ARFGEF2: variants seen among roughly 807,000 people sequenced by gnomAD.
The protein encoded by ARFGEF2 is ARF guanine nucleotide exchange factor 2, also known as brefeldin A-inhibited guanine nucleotide-exchange protein 2.
A neutral mutation model predicts 219.9 loss-of-function variants in ARFGEF2; 74 were observed. The observed-to-expected ratio is 0.34, with a 90% CI of 0.28 to 0.41. The LOEUF is 0.41. ARFGEF2 is among the 10% of genes least tolerant of loss of function. The pLI is 1.00. For missense variants in ARFGEF2, 1,743 were observed against 2,218.3 expected, an observed-to-expected ratio of 0.79 and a Z score of 4.30; for synonymous variants, 733 against 799.2, an observed-to-expected ratio of 0.92 and a Z score of 1.40.
At chr20:48,997,126 A>G (rs553288828) in intron 23 of ARFGEF2, among the ~76,000 whole-genome samples, 6 of 152,042 alleles carry the variant, frequency 3.9e-5, no homozygotes, top group Non-Finnish European at 7.4e-5. Context: ...TGTTGCCTCT[A>G]TTGTTAAGTG....
chr20:48,993,708 A>C (rs556488867), intron 21 of ARFGEF2, among the ~76,000 whole-genome samples: 14 of 152,272 alleles, frequency 9.2e-5, no homozygotes, highest in African/African-American at 3.4e-4. Flanking sequence ...AGCTTCAGGT[A>C]GGAGGGCCCG....
intron 25 of ARFGEF2, among the ~76,000 whole-genome samples, chr20:49,003,332 C>T (rs555629356): frequency 6.7e-4 from 101 of 151,270 alleles, no homozygotes; most frequent in Admixed American, 1.2e-3. Context: ...TGGCCGGGCA[C>T]GGTGGCTCAT....
At chr20:49,009,439 G>C (rs1415250030) in intron 26 of ARFGEF2, among the ~76,000 whole-genome samples, 5 of 149,036 alleles carry the variant, frequency 3.4e-5, no homozygotes, top group Non-Finnish European at 7.4e-5. Context: ...AACAGAGCAA[G>C]ACCTTGTTTC....
At chr20:49,020,079 TAGAC>T in intron 34 of ARFGEF2, among the ~76,000 whole-genome samples, 1 of 152,330 alleles carries the variant, frequency 6.6e-6, no homozygotes, top group East Asian at 1.9e-4. Context: ...AACTGGGGCT[TAGAC>T]AGATCATAGA....
chr20:48,945,586 G>A (rs143988189), intron 3 of ARFGEF2, among the ~76,000 whole-genome samples: 1 of 152,310 alleles, frequency 6.6e-6, no homozygotes, highest in East Asian at 1.9e-4. Context: ...AGTTCTGGCT[G>A]GGTGCAGTGG....
chr20:49,036,382 T>TA lies in ARFGEF2; in HGVS notation c.*3189dup, dbSNP rs567252191. The TA allele has an allele frequency of 3.7e-4, 147 of 396,732 alleles. 1 individual carries two copies. The highest frequency in any genetic ancestry group is 6.1e-4 in the Non-Finnish European group (138 of 225,384). The allele number at this position is 396,732 out of a possible 1,614,324, so 24.6% of individuals were successfully genotyped here. Reference sequence around the variant, plus strand: ...GTGTTTTACTCAGTGTTCTAATTTTTAAAAAATTTTATCTGCATATTTGCA... The same window carrying TA: ...GTGTTTTACTCAGTGTTCTAATTTTTAAAAAAATTTTATCTGCATATTTGCA... On this transcript the variant is annotated 3_prime_UTR_variant, in exon 39 of 39. Coordinates refer to ENST00000371917, the MANE Select transcript of ARFGEF2 (RefSeq NM_006420.3).
chr20:48,995,285 G>A (rs2091379405), intron 22 of ARFGEF2, among the ~76,000 whole-genome samples: 1 of 152,190 alleles, frequency 6.6e-6, no homozygotes, highest in Non-Finnish European at 1.5e-5. Flanking sequence ...ACTACGGAGT[G>A]TAGGCTTCTA....
intron 1 of ARFGEF2, among the ~76,000 whole-genome samples, chr20:48,929,784 G>A (rs1268227330): frequency 2.0e-5 from 3 of 152,200 alleles, no homozygotes; most frequent in African/African-American, 7.2e-5. Flanking sequence ...AGAGGCCAGT[G>A]TGTGGTTGGA....
At chr20:48,938,908 G>A (rs113173675) in intron 1 of ARFGEF2, among the ~76,000 whole-genome samples, 2,104 of 151,426 alleles carry the variant, frequency 0.014, 60 homozygotes, top group South Asian at 0.079. Flanking sequence ...GACATTTCCC[G>A]TCTGGCCTCC....
At position 49,013,897 on chromosome 20, in the gene ARFGEF2, G is replaced by A; in HGVS notation, c.4116G>A (p.Gln1372=). 6.2e-7 allele frequency: 1 copy of A among 1,614,100 alleles called. No homozygotes were observed. Among genetic ancestry groups the A allele is most frequent in the South Asian group, 1.1e-5 (1 of 91,074 alleles). Residue 1372 remains glutamine (Q), a synonymous_variant, in exon 30 of 39, where the codon CAG becomes CAA. Coordinates refer to ENST00000371917, the MANE Select transcript of ARFGEF2 (RefSeq NM_006420.3). ...YGHTFEKHWW[Q]DLFRIVFRIF... ...ACACCTTTGAAAAGCACTGGTGGCAGGACCTGTTCAGAATCGTGTTTCGGA... is the reference window on the plus strand; with the variant it reads ...ACACCTTTGAAAAGCACTGGTGGCAAGACCTGTTCAGAATCGTGTTTCGGA...
At chr20:49,023,880 T>C (rs912601617) in intron 35 of ARFGEF2, among the ~76,000 whole-genome samples, 1 of 152,174 alleles carries the variant, frequency 6.6e-6, no homozygotes, top group Non-Finnish European at 1.5e-5. Context: ...GGAAAAGATA[T>C]ATATAAAGAT....
chr20:49,018,830 C>T, intron 33 of ARFGEF2, 54 bp from the exon 34 acceptor site: 1 of 1,501,816 alleles, frequency 6.7e-7, no homozygotes, highest in South Asian at 1.1e-5. Context: ...ACATCTCTGC[C>T]CAAATTATCA....
intron 1 of ARFGEF2, 63 bp from the exon 2 acceptor site, chr20:48,941,136 T>TAA: frequency 1.3e-6 from 2 of 1,486,798 alleles, no homozygotes; most frequent in Non-Finnish European, 1.9e-6. Flanking sequence ...TATCTTTTAG[T>TAA]AAAGTTTTCC....
intron 9 of ARFGEF2, among the ~76,000 whole-genome samples, chr20:48,970,533 C>T (rs1194206718): frequency 6.6e-6 from 1 of 152,040 alleles, no homozygotes; most frequent in Non-Finnish European, 1.5e-5. Flanking sequence ...TCGCTTGAAC[C>T]CAGGAGACGG....
intron 1 of ARFGEF2, among the ~76,000 whole-genome samples, chr20:48,939,225 G>A (rs969638734): frequency 6.6e-6 from 1 of 151,768 alleles, no homozygotes; most frequent in Non-Finnish European, 1.5e-5. Flanking sequence ...TGCCTGCCTC[G>A]GCCTCCCAAA....
intron 16 of ARFGEF2, among the ~76,000 whole-genome samples, chr20:48,987,255 C>A (rs754214245): frequency 1.3e-5 from 2 of 152,172 alleles, no homozygotes; most frequent in African/African-American, 4.8e-5. Context: ...AAATATGTGA[C>A]CCAGTTTCAT....
intron 19 of ARFGEF2, 50 bp downstream of exon 19, chr20:48,989,486 G>A (rs772090306): frequency 6.2e-7 from 1 of 1,614,242 alleles, no homozygotes; most frequent in Non-Finnish European, 8.5e-7. Context: ...TGATTCTGAA[G>A]CTGGCCAGCG....
intron 1 of ARFGEF2, among the ~76,000 whole-genome samples, chr20:48,939,685 A>G (rs991427658): frequency 3.3e-5 from 5 of 152,248 alleles, no homozygotes; most frequent in African/African-American, 9.6e-5. Context: ...AATGGTTGCT[A>G]GTAGTCATTT....
At chr20:48,972,652 C>T (rs569159001) in intron 11 of ARFGEF2, among the ~76,000 whole-genome samples, 29 of 152,300 alleles carry the variant, frequency 1.9e-4, no homozygotes, top group Non-Finnish European at 3.7e-4. Context: ...GTCCCAGAAA[C>T]CCCCTAATCT....
Sources: allele counts gnomAD v4.1 joint callset (sites outside exome capture counted in the v4.1 genomes callset), GRCh38; gene constraint gnomAD v4.1.1; transcripts MANE v1.5; gene names NCBI Gene and HGNC (gene_info 2026-07-23, HGNC 2026-07-21).